Variants in PEG3 observed in about 807,000 individuals in gnomAD.
PEG3 encodes the protein paternally expressed 3.
PEG3 carries 23 observed loss-of-function variants against 35.5 expected under a neutral mutation model. The ratio of observed to expected loss-of-function variants is 0.65; its 90% CI spans 0.47 to 0.92. The LOEUF (loss-of-function observed/expected upper bound fraction) is 0.92, where lower values mean the gene tolerates loss of function less well. Ranked by LOEUF, PEG3 falls within the 40% of genes least tolerant of loss-of-function variation. The probability of loss-of-function intolerance (pLI) is 0.00; values close to 1 mark genes in which losing one functional copy is unlikely to be tolerated. For synonymous variants in PEG3, 707 were observed against 697.0 expected (o/e 1.01, Z -0.23); for missense variants, 1,960 against 1,985.3 (o/e 0.99, Z 0.24).
chr19:56,824,983 C>CTACTAACTTGGGCTACT (rs1425495351), intron 3 of PEG3: 6 of 256,612 alleles, frequency 2.3e-5, no homozygotes, highest in Non-Finnish European at 3.0e-5. Flanking sequence ...GGACTGTGGG[C>CTACTAACTTGGGCTACT]AACTTGTCTA....
rs2048013192 is a variant in PEG3, at chr19:56,810,123, T to C, written c.*3552A>G. The C allele has an allele frequency of 1.0e-6, 1 of 960,426 alleles. No individual in the cohort carries two copies. The highest frequency in any genetic ancestry group is 1.2e-6 in the Non-Finnish European group (1 of 807,274). 59.5% of individuals were successfully genotyped at this position (960,426 alleles called of 1,614,324 possible). A position where few individuals can be genotyped will look rare whatever the true frequency, so the allele number is the denominator to read the frequency against. Reference sequence around the variant, plus strand: ...TTTTTATTGTTGACACTATTACAGATAGAATGACCACAACCATATTAACAA... The same window carrying C: ...TTTTTATTGTTGACACTATTACAGACAGAATGACCACAACCATATTAACAA... On this transcript the variant is annotated 3_prime_UTR_variant, in exon 10 of 10. Transcript: ENST00000326441.
Position 56,836,255 on chromosome 19 carries a change from G to A in PEG3, c.-249-151C>T, listed in dbSNP as rs114361386. Among the ~76,000 whole-genome samples, 378 of 152,220 alleles carry A rather than the reference G, an allele frequency of 2.5e-3. 1 individual carries two copies. The highest frequency in any genetic ancestry group is 8.7e-3 in the African/African-American group (360 of 41,560). On this transcript the variant is annotated intron_variant, in intron 1 of 9. Transcript: ENST00000326441. ...GAAAAGCATCCCATCCAGGATGAAT[G>A]GCCACGGGTATAGCTCCCTTAGACC...
At chr19:56,834,304 T>C (rs1195121771) in intron 2 of PEG3, among the ~76,000 whole-genome samples, 1 of 152,142 alleles carries the variant, frequency 6.6e-6, no homozygotes, top group African/African-American at 2.4e-5. Context: ...GCTTCCGATA[T>C]CTTGGTAACC....
Position 56,816,537 on chromosome 19 carries a change from A to G in PEG3, c.1905T>C (p.Thr635=), listed in dbSNP as rs768878234. The stretch of plus-strand genomic sequence containing the variant: ...CTTTCAGGGATGAGCTATGAAGGAA[A>G]GTCTCCCCACACACCTTACATTCGT... ...KMYECKVCGE[T]FLHSSSLKEH... The change falls in exon 10 of 10, where the codon ACT becomes ACC. Residue 635 remains threonine, a synonymous_variant. Transcript: ENST00000326441. The G allele has an allele frequency of 6.2e-7, 1 of 1,613,760 alleles. No homozygotes were observed. The highest frequency in any genetic ancestry group is 8.5e-7 in the Non-Finnish European group (1 of 1,179,792).
At chr19:56,837,295 A>G (rs1043296387) in intron 1 of PEG3, among the ~76,000 whole-genome samples, 7 of 151,922 alleles carry the variant, frequency 4.6e-5, no homozygotes, top group African/African-American at 1.2e-4. Flanking sequence ...CCTAGTTCCC[A>G]TGCACTGCCC....
chr19:56,811,428 T>A lies in PEG3; in HGVS notation c.*2247A>T, dbSNP rs78174116. ...CCACTTAATGTTCTGTAAATATATTTCCACGTTGCTACATAACTCGTGATT... is the reference window on the plus strand; with the variant it reads ...CCACTTAATGTTCTGTAAATATATTACCACGTTGCTACATAACTCGTGATT... On this transcript the variant is annotated 3_prime_UTR_variant, in exon 10 of 10. Transcript: ENST00000326441. 2.4e-3 allele frequency: 2,217 copies of A among 910,750 alleles called. 28 individuals carry two copies. In the African/African-American group the frequency reaches 0.034, roughly 14 times the overall value. 56.4% of individuals were successfully genotyped at this position (910,750 alleles called of 1,614,324 possible). A position where few individuals can be genotyped will look rare whatever the true frequency, so the allele number is the denominator to read the frequency against.
chr19:56,837,951 T>C lies in PEG3; in HGVS notation c.-249-1847A>G, dbSNP rs2062375142. 2.6e-5 allele frequency among the ~76,000 whole-genome samples: 4 copies of C among 152,340 alleles called. No homozygotes were observed. In the South Asian group the frequency reaches 8.3e-4, roughly 32 times the overall value. ...CCGCCACATTGAATGCCGGCTGCTC[T>C]ATCAGACAAGACACACATGCTATGG... On this transcript the variant is annotated intron_variant, in intron 1 of 9. Coordinates refer to ENST00000326441, the MANE Select transcript of PEG3 (RefSeq NM_006210.3).
At chr19:56,830,704 A>G (rs575828687) in intron 2 of PEG3, among the ~76,000 whole-genome samples, 130 of 152,304 alleles carry the variant, frequency 8.5e-4, no homozygotes, top group Middle Eastern at 3.4e-3. Context: ...AAAACAAATA[A>G]ATAAATCTCC....
chr19:56,813,462 C>T lies in PEG3; in HGVS notation c.*213G>A, dbSNP rs10422611. On this transcript the variant is annotated 3_prime_UTR_variant, in exon 10 of 10. Coordinates refer to ENST00000326441, the MANE Select transcript of PEG3 (RefSeq NM_006210.3). The stretch of plus-strand genomic sequence containing the variant: ...TAAGATGTGTGCTATGGCTTTCCCA[C>T]ATGCAGACACTGACATCTGAAGGGG... 4.5e-3 allele frequency: 6,288 copies of T among 1,386,316 alleles called. 239 individuals carry two copies. The African/African-American group carries it at 0.079, about 17-fold the overall frequency. 85.9% of individuals were successfully genotyped at this position (1,386,316 alleles called of 1,614,324 possible). A position where few individuals can be genotyped will look rare whatever the true frequency, so the allele number is the denominator to read the frequency against.
Position 56,814,388 on chromosome 19 carries a change from C to T in PEG3, c.4054G>A (p.Glu1352Lys). Residue 1352 changes from glutamate to lysine, a missense_variant, in exon 10 of 10, where the codon GAG becomes AAG. Around this residue, in one of 5 missense-constraint regions of PEG3, gnomAD observed 416 missense variants for 416.7 expected, o/e 1.00. Transcript: ENST00000326441. The surrounding 1 kb of genome is among the most constrained non-coding windows in gnomAD (Gnocchi z 5.8). The stretch of plus-strand genomic sequence containing the variant: ...TCTTCTTCTTCTTCCAGATGAAGCT[C>T]CTTATGTTTAGTGAGGACTGTGCTA... ...IHSTVLTKHK[E>K]LHLEEEEEDE... The T allele has an allele frequency of 6.2e-7, 1 of 1,613,766 alleles. No homozygotes were observed. The highest frequency in any genetic ancestry group is 8.5e-7 in the Non-Finnish European group (1 of 1,179,706).
chr19:56,832,968 A>G (rs1371662882), intron 2 of PEG3, among the ~76,000 whole-genome samples: 1 of 152,212 alleles, frequency 6.6e-6, no homozygotes, highest in Admixed American at 6.5e-5. Context: ...TCTTACAATT[A>G]ATATAACACA....
chr19:56,839,632 C>G (rs756086008), intron 1 of PEG3, among the ~76,000 whole-genome samples: 1 of 152,204 alleles, frequency 6.6e-6, no homozygotes, highest in East Asian at 1.9e-4. Context: ...TCAACTAGAA[C>G]AGCGCCTACT....
intron 7 of PEG3, among the ~76,000 whole-genome samples, chr19:56,819,001 C>T (rs528525556): frequency 3.9e-5 from 6 of 152,242 alleles, no homozygotes; most frequent in South Asian, 2.1e-4. Context: ...AACAATAAAT[C>T]GGGGTACAGA....
chr19:56,824,069 G>A (rs779981073), intron 4 of PEG3, among the ~76,000 whole-genome samples, 193 bp downstream of exon 4: 5 of 152,176 alleles, frequency 3.3e-5, no homozygotes, highest in Admixed American at 6.5e-5. Context: ...CTGGGCATGT[G>A]TGGAGACACT....
At position 56,813,875 on chromosome 19, in the gene PEG3, G is replaced by T. The variant is rs1243274277; in HGVS notation, c.4567C>A (p.His1523Asn). ...TFTSSTAFSE[H>N]LKTHASMIIF... The stretch of plus-strand genomic sequence containing the variant: ...ATCATGCTGGCATGAGTTTTCAGGT[G>T]TTCACTGAATGCTGTGCTGGAAGTG... Residue 1523 changes from histidine to asparagine, a missense_variant, in exon 10 of 10, where the codon CAC (histidine) becomes AAC (asparagine). Around this residue, in one of 5 missense-constraint regions of PEG3, gnomAD observed 416 missense variants for 416.7 expected, o/e 1.00. Transcript: ENST00000326441. 1.9e-6 allele frequency: 3 copies of T among 1,614,058 alleles called. No homozygotes were observed. The African/African-American group carries it at 4.0e-5, about 22-fold the overall frequency.
At position 56,824,307 on chromosome 19, in the gene PEG3, G is replaced by A; in HGVS notation, c.349C>T (p.Leu117Phe). ...RAKKPENCEK[L>F]VTLLENYKEM... is the part of the protein sequence containing the mutation. ...TTGTAATTCTCCAGCAGAGTGACGAGCTTCTCACAGTTCTCCGGCTTTTTT... is the reference window on the plus strand; with the variant it reads ...TTGTAATTCTCCAGCAGAGTGACGAACTTCTCACAGTTCTCCGGCTTTTTT... Residue 117 changes from leucine to phenylalanine, a missense_variant, in exon 4 of 10, where the codon CTC becomes TTC. By Grantham distance (22) the Leu-to-Phe change is conservative. Transcript: ENST00000326441. 8.7e-6 allele frequency: 14 copies of A among 1,614,094 alleles called. No individual in the cohort carries two copies. In the East Asian group the frequency reaches 2.0e-4, roughly 23 times the overall value.
At chr19:56,835,367 C>T (rs536248036) in intron 2 of PEG3, among the ~76,000 whole-genome samples, 10 of 152,200 alleles carry the variant, frequency 6.6e-5, no homozygotes, top group African/African-American at 1.2e-4. Flanking sequence ...TGCCACTCAA[C>T]GATTCCCTTG....
At chr19:56,840,272 C>T (rs558617851) in intron 1 of PEG3, among the ~76,000 whole-genome samples, 3 of 152,306 alleles carry the variant, frequency 2.0e-5, no homozygotes, top group East Asian at 1.9e-4. Flanking sequence ...GTCAGAAAGG[C>T]GCGGAGACCC....
Position 56,813,387 on chromosome 19 carries a change from T to A in PEG3, c.*288A>T. 1 of 1,205,750 alleles carries A rather than the reference T, an allele frequency of 8.3e-7. No individual in the cohort carries two copies. The highest frequency in any genetic ancestry group is 1.0e-6 in the Non-Finnish European group (1 of 967,390). The allele number at this position is 1,205,750 out of a possible 1,614,324, so 74.7% of individuals were successfully genotyped here. A position where few individuals can be genotyped will look rare whatever the true frequency, so the allele number is the denominator to read the frequency against. ...ATTTACAGTTGATTTGGGCAAACTCTGTAGTCTGGAATACTCATAGGGTTT... is the reference window on the plus strand; with the variant it reads ...ATTTACAGTTGATTTGGGCAAACTCAGTAGTCTGGAATACTCATAGGGTTT... On this transcript the variant is annotated 3_prime_UTR_variant, in exon 10 of 10. Transcript: ENST00000326441.
Sources: gnomAD v4.1 joint callset for allele counts (sites outside exome capture counted in the v4.1 genomes callset) on GRCh38, gnomAD v4.1.1 for gene constraint, gnomAD v4.1.1 regional missense constraint, Gnocchi (gnomAD v3.1) non-coding constraint, MANE v1.5 for transcripts, NCBI Gene and HGNC (gene_info 2026-07-23, HGNC 2026-07-21) for gene names.